Variants in PDE7B observed in about 807,000 individuals in gnomAD.
The protein encoded by PDE7B is phosphodiesterase 7B.
In PDE7B, 29 loss-of-function variants were observed where a neutral mutation model predicts 56.2. The observed-to-expected ratio is 0.52, with a 90% CI of 0.38 to 0.70. The LOEUF is 0.70. PDE7B is among the 30% of genes least tolerant of loss of function. The probability of loss-of-function intolerance (pLI) is 0.00; values close to 1 mark genes in which losing one functional copy is unlikely to be tolerated. For missense variants in PDE7B, 490 were observed against 565.0 expected (o/e 0.87, Z 1.35); for synonymous variants, 197 against 196.9 (o/e 1.00, Z 0.00).
intron 1 of PDE7B, among the ~76,000 whole-genome samples, chr6:135,912,749 T>C (rs115535604): frequency 0.043 from 6,570 of 152,334 alleles, 155 homozygotes; most frequent in Middle Eastern, 0.099. Flanking sequence ...AATTAATATC[T>C]GAAAATAGCT....
At chr6:135,948,263 A>C (rs1423433590) in intron 2 of PDE7B, among the ~76,000 whole-genome samples, 1 of 152,062 alleles carries the variant, frequency 6.6e-6, no homozygotes, top group African/African-American at 2.4e-5. Flanking sequence ...AACTATGTCC[A>C]ATAAAGTTGC....
chr6:136,118,382 G>T (rs1488201599), intron 3 of PDE7B, among the ~76,000 whole-genome samples: 1 of 152,192 alleles, frequency 6.6e-6, no homozygotes, highest in African/African-American at 2.4e-5. Flanking sequence ...ACAGCCTCAG[G>T]CAACCTGAAG....
chr6:136,106,771 A>G (rs1301641132), intron 2 of PDE7B, among the ~76,000 whole-genome samples: 1 of 152,220 alleles, frequency 6.6e-6, no homozygotes, highest in East Asian at 1.9e-4. Context: ...GGTGTTCAAG[A>G]CAACTGCCGA....
At chr6:135,975,480 A>G (rs1775169404) in intron 2 of PDE7B, among the ~76,000 whole-genome samples, 1 of 152,090 alleles carries the variant, frequency 6.6e-6, no homozygotes, top group Non-Finnish European at 1.5e-5. Context: ...GGGCTCCCAA[A>G]TCCAGCCCTT....
chr6:135,947,533 G>T lies in PDE7B; in HGVS notation c.82+9G>T. On this transcript the variant is annotated intron_variant, in intron 2 of 12. Transcript: ENST00000308191. Reference sequence around the variant, plus strand: ...ATGTGTTTGCATGCTGGGTAAGAAGGCTTCTCATTTTAAATATATTAAGCA... The same window carrying T: ...ATGTGTTTGCATGCTGGGTAAGAAGTCTTCTCATTTTAAATATATTAAGCA... 6.2e-7 allele frequency: 1 copy of T among 1,601,552 alleles called. No homozygotes were observed. Among genetic ancestry groups the T allele is most frequent in the Non-Finnish European group, 8.6e-7 (1 of 1,168,842 alleles).
chr6:135,862,180 G>A (rs886597285), intron 1 of PDE7B, among the ~76,000 whole-genome samples: 6 of 151,772 alleles, frequency 4.0e-5, no homozygotes, highest in African/African-American at 1.4e-4. Context: ...GTCTCAGAAA[G>A]AAAGCTTTCA....
chr6:135,922,675 A>G (rs1377224910), intron 1 of PDE7B, among the ~76,000 whole-genome samples: 2 of 152,188 alleles, frequency 1.3e-5, no homozygotes, highest in African/African-American at 2.4e-5. Flanking sequence ...GGCTGGATAT[A>G]TATTATGAAA....
At chr6:135,999,054 C>G (rs1451379416) in intron 2 of PDE7B, among the ~76,000 whole-genome samples, 1 of 152,068 alleles carries the variant, frequency 6.6e-6, no homozygotes, top group Non-Finnish European at 1.5e-5. Flanking sequence ...CTGCCACAGA[C>G]TCCTAGGCAA....
intron 1 of PDE7B, among the ~76,000 whole-genome samples, chr6:135,906,810 GTTTTTTTTTTTTT>G (rs869049424): frequency 6.7e-5 from 4 of 59,542 alleles, no homozygotes; most frequent in Admixed American, 5.0e-4. Context: ...AATGAGGTTT[GTTTTTTTTTTTTT>G]TTTTTTTTTT....
intron 2 of PDE7B, among the ~76,000 whole-genome samples, chr6:136,049,834 T>C (rs1053145229): frequency 6.6e-6 from 1 of 152,224 alleles, no homozygotes; most frequent in African/African-American, 2.4e-5. Context: ...CAAGAAATCT[T>C]AACTCTTGTA....
At chr6:135,937,252 A>C (rs1409996383) in intron 1 of PDE7B, among the ~76,000 whole-genome samples, 1 of 152,160 alleles carries the variant, frequency 6.6e-6, no homozygotes, top group Non-Finnish European at 1.5e-5. Context: ...TATTGCCTTG[A>C]ACAGATGGCC....
rs1774944794 is a variant in PDE7B at position 135,851,788 on chromosome 6, C to G, written c.-211C>G. 9.1e-6 allele frequency: 5 copies of G among 548,562 alleles called. No homozygotes were observed. The highest frequency in any genetic ancestry group is 3.2e-5 in the Admixed American group (1 of 31,574). 34.0% of individuals were successfully genotyped at this position (548,562 alleles called of 1,614,324 possible). On this transcript the variant is annotated 5_prime_UTR_variant, in exon 1 of 13. Transcript: ENST00000308191. Reference sequence around the variant, plus strand: ...TGTTACTCACCCAGGGAGAGTCTCTCTTTCTACCTTCCTTCTTTCTCGATC... The same window carrying G: ...TGTTACTCACCCAGGGAGAGTCTCTGTTTCTACCTTCCTTCTTTCTCGATC...
intron 2 of PDE7B, among the ~76,000 whole-genome samples, chr6:136,057,457 A>G (rs564661943): frequency 1.1e-4 from 17 of 152,324 alleles, no homozygotes; most frequent in African/African-American, 3.8e-4. Flanking sequence ...CTCTAATCAT[A>G]CAATTACCAA....
At chr6:136,186,918 G>A (rs1421663692) in intron 11 of PDE7B, 118 bp from the exon 12 acceptor site, 3 of 688,788 alleles carry the variant, frequency 4.4e-6, no homozygotes, top group Non-Finnish European at 7.7e-6. Flanking sequence ...GGGATAACAA[G>A]TCAGGAAACA....
intron 8 of PDE7B, among the ~76,000 whole-genome samples, chr6:136,171,552 CCATT>C (rs558223784): frequency 2.8e-4 from 42 of 152,106 alleles, no homozygotes; most frequent in Non-Finnish European, 5.1e-4. Flanking sequence ...AGGCTTGCCT[CCATT>C]CAGTTTGCTA....
chr6:136,001,937 G>C (rs1305561728), intron 2 of PDE7B, among the ~76,000 whole-genome samples: 1 of 152,028 alleles, frequency 6.6e-6, no homozygotes, highest in East Asian at 1.9e-4. Flanking sequence ...AAAATGTTAA[G>C]GGCAGCCAGA....
intron 1 of PDE7B, among the ~76,000 whole-genome samples, chr6:135,921,998 A>G (rs923723780): frequency 5.9e-5 from 9 of 152,280 alleles, no homozygotes; most frequent in Admixed American, 5.9e-4. Flanking sequence ...TGAAATGAGC[A>G]TTAGTATTAG....
At chr6:135,906,980 A>G (rs1443731521) in intron 1 of PDE7B, among the ~76,000 whole-genome samples, 1 of 151,998 alleles carries the variant, frequency 6.6e-6, no homozygotes, top group East Asian at 1.9e-4. Flanking sequence ...CTAATTGCCC[A>G]CCTACCTATT....
intron 3 of PDE7B, among the ~76,000 whole-genome samples, chr6:136,139,721 T>G (rs139974583): frequency 0.055 from 8,388 of 152,320 alleles, 338 homozygotes; most frequent in Middle Eastern, 0.088. Context: ...TGATGGCCAG[T>G]GATGACGAGC....
Sources: gnomAD v4.1 joint callset for allele counts (sites outside exome capture counted in the v4.1 genomes callset) on GRCh38, gnomAD v4.1.1 for gene constraint, MANE v1.5 for transcripts, NCBI Gene and HGNC (gene_info 2026-07-23, HGNC 2026-07-21) for gene names.